MACROD2: variants seen among roughly 807,000 people sequenced by gnomAD.
The protein encoded by MACROD2 is ADP-ribose glycohydrolase MACROD2.
Under a neutral mutation model 70.4 loss-of-function variants are expected in MACROD2, and 36 were observed. The ratio of observed to expected loss-of-function variants is 0.51; its 90% CI spans 0.39 to 0.68. MACROD2 has a LOEUF of 0.68. MACROD2 is among the 30% of genes least tolerant of loss of function. MACROD2 has a pLI of 0.00. For synonymous variants in MACROD2, 172 were observed against 178.8 expected, an observed-to-expected ratio of 0.96 and a Z score of 0.30; for missense variants, 496 against 538.4, an observed-to-expected ratio of 0.92 and a Z score of 0.78.
At chr20:15,398,329 TAA>T (rs1337829995) in intron 6 of MACROD2, among the ~76,000 whole-genome samples, 1 of 152,198 alleles carries the variant, frequency 6.6e-6, no homozygotes, top group Non-Finnish European at 1.5e-5. Flanking sequence ...GCAAAAAGGT[TAA>T]GTGCTCAGTA....
intron 5 of MACROD2, among the ~76,000 whole-genome samples, chr20:15,004,918 A>G (rs1017774512): frequency 3.3e-5 from 5 of 152,188 alleles, no homozygotes; most frequent in Non-Finnish European, 7.3e-5. Context: ...ATACTTCCAA[A>G]TATTCCCTTC....
intron 6 of MACROD2, among the ~76,000 whole-genome samples, chr20:15,392,892 G>A (rs2045811531): frequency 6.6e-6 from 1 of 151,440 alleles, no homozygotes; most frequent in Non-Finnish European, 1.5e-5. Context: ...ACAGTGTAAA[G>A]TGATCATTTA....
rs1462491447 is a variant in MACROD2, at chr20:13,995,983, C to T, written c.46+174C>T. Reference sequence around the variant, plus strand: ...CACACGCGCACACTCGCGCGCACTCCGGCGTGCACGCGCCGCCCCTGGGCA... The same window carrying T: ...CACACGCGCACACTCGCGCGCACTCTGGCGTGCACGCGCCGCCCCTGGGCA... On this transcript the variant is annotated intron_variant, in intron 1 of 17. Transcript: ENST00000684519. The surrounding 1 kb of genome is among the most constrained non-coding windows in gnomAD (Gnocchi z 4.3). Among the ~76,000 whole-genome samples, 2 of 152,132 alleles carry T rather than the reference C, an allele frequency of 1.3e-5. No individual in the cohort carries two copies. Among genetic ancestry groups the T allele is most frequent in the African/African-American group, 4.8e-5 (2 of 41,460 alleles).
intron 4 of MACROD2, among the ~76,000 whole-genome samples, chr20:14,605,847 G>C (rs888865430): frequency 2.0e-5 from 3 of 151,794 alleles, no homozygotes; most frequent in African/African-American, 7.3e-5. Flanking sequence ...AAAATGGTTA[G>C]GCTTTTAAAG....
rs184957338 is a variant in MACROD2 at position 15,040,132 on chromosome 20, G to A, written c.419-189808G>A. Among the ~76,000 whole-genome samples, 19 of 152,048 alleles carry A rather than the reference G, an allele frequency of 1.2e-4. No individual in the cohort carries two copies. In the East Asian group the frequency reaches 2.7e-3, roughly 22 times the overall value. On this transcript the variant is annotated intron_variant, in intron 5 of 17. Coordinates refer to ENST00000684519, the MANE Select transcript of MACROD2 (RefSeq NM_001351661.2). ...TTGAAGTACCTTGATTGGCTAACAC[G>A]GTGACACCCTGTCTCTACTAAAAAT... is the stretch of plus-strand genomic sequence containing the variant.
At chr20:15,378,001 G>A (rs2045585760) in intron 6 of MACROD2, among the ~76,000 whole-genome samples, 1 of 152,060 alleles carries the variant, frequency 6.6e-6, no homozygotes, top group Non-Finnish European at 1.5e-5. Context: ...GGTGGGTGGG[G>A]GCCTGAGGGA....
intron 3 of MACROD2, among the ~76,000 whole-genome samples, chr20:14,248,400 A>G (rs923198945): frequency 6.6e-6 from 1 of 152,186 alleles, no homozygotes; most frequent in Admixed American, 6.5e-5. Flanking sequence ...CCTGATCAAC[A>G]TAGTGAAACG....
At chr20:15,465,055 T>C (rs1399919938) in intron 7 of MACROD2, among the ~76,000 whole-genome samples, 1 of 152,176 alleles carries the variant, frequency 6.6e-6, no homozygotes, top group Non-Finnish European at 1.5e-5. Context: ...TTACTTGATA[T>C]ACTCTCTCCC....
chr20:15,679,252 A>AG (rs1334461131), intron 8 of MACROD2, among the ~76,000 whole-genome samples: 2 of 151,692 alleles, frequency 1.3e-5, no homozygotes, highest in Non-Finnish European at 2.9e-5. Context: ...AAAAAAAAAA[A>AG]AGAGATGCAC....
At chr20:15,798,547 G>T (rs2063696057) in intron 8 of MACROD2, among the ~76,000 whole-genome samples, 1 of 152,182 alleles carries the variant, frequency 6.6e-6, no homozygotes, top group Admixed American at 6.5e-5. Flanking sequence ...TTGGTAAAAA[G>T]TAAGTCACAA....
At chr20:15,115,208 G>A (rs1274380654) in intron 5 of MACROD2, among the ~76,000 whole-genome samples, 1 of 151,936 alleles carries the variant, frequency 6.6e-6, no homozygotes, top group East Asian at 1.9e-4. Flanking sequence ...TGTCTCTCTG[G>A]GTTGTATTAT....
intron 6 of MACROD2, among the ~76,000 whole-genome samples, chr20:15,338,727 G>A (rs2078075796): frequency 6.6e-6 from 1 of 151,642 alleles, no homozygotes. Context: ...TACAAGATGG[G>A]GCTTGGATTA....
At chr20:14,292,685 A>C (rs1169320726) in intron 3 of MACROD2, among the ~76,000 whole-genome samples, 2 of 151,868 alleles carry the variant, frequency 1.3e-5, no homozygotes, top group East Asian at 3.8e-4. Context: ...CCCAGGCTGG[A>C]GTGCAGAGGT....
chr20:15,230,202 T>C, intron 6 of MACROD2, 141 bp downstream of exon 6: 1 of 691,022 alleles, frequency 1.4e-6, no homozygotes, highest in Non-Finnish European at 2.2e-6. Flanking sequence ...GATTTGGTTA[T>C]CATGACTCTA....
At chr20:15,477,141 C>T (rs2047033956) in intron 7 of MACROD2, among the ~76,000 whole-genome samples, 3 of 137,248 alleles carry the variant, frequency 2.2e-5, no homozygotes, top group South Asian at 2.4e-4. Flanking sequence ...CACTCTGTCA[C>T]CCGTGCCGGA....
chr20:14,126,788 G>A (rs1266805349), intron 3 of MACROD2, among the ~76,000 whole-genome samples: 1 of 152,040 alleles, frequency 6.6e-6, no homozygotes, highest in Non-Finnish European at 1.5e-5. Context: ...CTGTTTTGGG[G>A]TACCACCAAC....
At chr20:15,045,853 A>T (rs2075390709) in intron 5 of MACROD2, among the ~76,000 whole-genome samples, 1 of 151,712 alleles carries the variant, frequency 6.6e-6, no homozygotes, top group Non-Finnish European at 1.5e-5. Flanking sequence ...TTTTTGAAAA[A>T]TATTCTAAAA....
chr20:15,787,631 T>A (rs1409890097), intron 8 of MACROD2, among the ~76,000 whole-genome samples: 1 of 152,236 alleles, frequency 6.6e-6, no homozygotes, highest in Admixed American at 6.5e-5. Context: ...TACAAAGGAA[T>A]GATTTTGATA....
At chr20:15,941,469 T>C (rs950186663) in intron 12 of MACROD2, among the ~76,000 whole-genome samples, 1 of 148,792 alleles carries the variant, frequency 6.7e-6, no homozygotes, top group African/African-American at 2.5e-5. Context: ...GGAACTATCA[T>C]CTTGACTGAT....
Sources: gnomAD v4.1 joint callset for allele counts (sites outside exome capture counted in the v4.1 genomes callset) on GRCh38, gnomAD v4.1.1 for gene constraint, Gnocchi (gnomAD v3.1) non-coding constraint, MANE v1.5 for transcripts, NCBI Gene and HGNC (gene_info 2026-07-23, HGNC 2026-07-21) for gene names.